STAT4: variants seen among roughly 807,000 people sequenced by gnomAD.
STAT4 encodes the protein signal transducer and activator of transcription 4.
A neutral mutation model predicts 110.5 loss-of-function variants in STAT4; 42 were observed. The ratio of observed to expected loss-of-function variants is 0.38; its 90% confidence interval spans 0.30 to 0.49. STAT4 has a LOEUF of 0.49. Among genes scored for constraint, STAT4 ranks in the 20% least tolerant of loss-of-function variants. The pLI is 0.95. For missense variants in STAT4, 632 were observed against 887.9 expected, an observed-to-expected ratio of 0.71 and a Z score of 3.66; for synonymous variants, 284 against 302.2, an observed-to-expected ratio of 0.94 and a Z score of 0.63.
Position 191,062,823 on chromosome 2 carries a change from G to A in STAT4, c.880C>T (p.Pro294Ser). ...TCTAGCATGTGAGTTCTTTGCATTG[G>A]AATGGGATCACCTTCATATGTCATT... Reference protein sequence around the residue: ...TKMTYEGDPIPMQRTHMLERV... With the variant: ...TKMTYEGDPISMQRTHMLERV... Residue 294 changes from proline (P) to serine (S), a missense_variant, in exon 9 of 24, where the codon CCA becomes TCA. Coordinates refer to ENST00000392320, the MANE Select transcript of STAT4 (RefSeq NM_003151.4). The surrounding 1 kb of genome is among the most constrained non-coding windows in gnomAD (Gnocchi z 4.9). 1 of 1,613,916 alleles carries A rather than the reference G, an allele frequency of 6.2e-7. No homozygotes were observed. Among genetic ancestry groups the A allele is most frequent in the Non-Finnish European group, 8.5e-7 (1 of 1,179,900 alleles).
intron 4 of STAT4, among the ~76,000 whole-genome samples, chr2:191,074,818 G>T (rs551536274): frequency 3.5e-4 from 53 of 152,182 alleles, no homozygotes; most frequent in African/African-American, 1.3e-3. Flanking sequence ...TCCCAAAACA[G>T]CCATAACCTG....
chr2:191,093,350 G>T (rs1218690426), intron 3 of STAT4, among the ~76,000 whole-genome samples: 1 of 152,196 alleles, frequency 6.6e-6, no homozygotes, highest in African/African-American at 2.4e-5. Context: ...AGCTTCCAGA[G>T]GAAGGATCAG....
At position 191,113,814 on chromosome 2, in the gene STAT4, C is replaced by A. The variant is rs1458351170; in HGVS notation, c.273+32799G>T. ...ACACTTTTTGTACAGGGAGTACTCCCAAGAGTAGCAGAGAACATTACAGAA... is the reference window on the plus strand; with the variant it reads ...ACACTTTTTGTACAGGGAGTACTCCAAAGAGTAGCAGAGAACATTACAGAA... On this transcript the variant is annotated intron_variant, in intron 3 of 23. Transcript: ENST00000392320. This position sits in a 1 kb window ranked among gnomAD's most constrained non-coding sequence, Gnocchi z 4.8. Among the ~76,000 whole-genome samples the A allele has an allele frequency of 1.3e-5, 2 of 151,996 alleles. No homozygotes were observed. Among genetic ancestry groups the A allele is most frequent in the East Asian group, 3.8e-4 (2 of 5,198 alleles).
chr2:191,073,371 A>C (rs1055826621), intron 4 of STAT4, among the ~76,000 whole-genome samples, 181 bp from the exon 5 acceptor site: 3 of 152,256 alleles, frequency 2.0e-5, no homozygotes, highest in South Asian at 4.1e-4. Flanking sequence ...TTAAAATTTG[A>C]AGACTAGAGC....
intron 18 of STAT4, 23 bp from the exon 19 acceptor site, chr2:191,034,028 T>G (rs762985076): frequency 5.5e-6 from 8 of 1,450,512 alleles, no homozygotes; most frequent in Admixed American, 2.0e-5. Flanking sequence ...ACAAGCACAT[T>G]AAGACAATGA....
chr2:191,072,401 C>T (rs1211432135), intron 5 of STAT4, among the ~76,000 whole-genome samples: 3 of 152,136 alleles, frequency 2.0e-5, no homozygotes, highest in Non-Finnish European at 4.4e-5. Context: ...ACAGTGTAAG[C>T]CCAGACTTTT....
intron 8 of STAT4, among the ~76,000 whole-genome samples, chr2:191,063,514 C>T (rs890428990): frequency 2.6e-5 from 4 of 152,186 alleles, no homozygotes; most frequent in Non-Finnish European, 5.9e-5. Flanking sequence ...ACCTCAGAAA[C>T]GGAGGTGGCA....
At chr2:191,072,741 A>G (rs758826538) in intron 5 of STAT4, among the ~76,000 whole-genome samples, 1 of 152,204 alleles carries the variant, frequency 6.6e-6, no homozygotes, top group African/African-American at 2.4e-5. Context: ...GAGAGATGTG[A>G]TGTTACTACG....
chr2:191,117,803 C>T lies in STAT4; in HGVS notation c.273+28810G>A, dbSNP rs770143537. On this transcript the variant is annotated intron_variant, in intron 3 of 23. Transcript: ENST00000392320. The surrounding 1 kb of genome is among the most constrained non-coding windows in gnomAD (Gnocchi z 5.2). Reference sequence around the variant, plus strand: ...GTGAACTCCCTGAATCCTACCTCTCCGAGCCACATTCCCAAATTCCACCTT... The same window carrying T: ...GTGAACTCCCTGAATCCTACCTCTCTGAGCCACATTCCCAAATTCCACCTT... Among the ~76,000 whole-genome samples, 16 of 152,176 alleles carry T rather than the reference C, an allele frequency of 1.1e-4. No homozygotes were observed. Among genetic ancestry groups the T allele is most frequent in the East Asian group, 1.9e-4 (1 of 5,196 alleles).
intron 3 of STAT4, among the ~76,000 whole-genome samples, chr2:191,129,633 C>T (rs1698977766): frequency 6.6e-6 from 1 of 152,164 alleles, no homozygotes; most frequent in Non-Finnish European, 1.5e-5. Flanking sequence ...AACACATCTC[C>T]TTACTTCTTT....
In STAT4 at chr2:191,064,884, C is replaced by T; in HGVS notation, c.705G>A (p.Leu235=). Residue 235 remains leucine, a synonymous_variant, in exon 8 of 24, where the codon CTG becomes CTA. Coordinates refer to ENST00000392320, the MANE Select transcript of STAT4 (RefSeq NM_003151.4). ...LLMNTMLIEE[L]QDWKRRQQIA... is the part of the protein sequence containing the mutation. The stretch of plus-strand genomic sequence containing the variant: ...TTTGCTGCCGCCGCTTCCAGTCTTG[C>T]AGCTCTTCTATGAGCATGGTGTTCA... The T allele has an allele frequency of 6.2e-7, 1 of 1,613,418 alleles. No homozygotes were observed. Among genetic ancestry groups the T allele is most frequent in the South Asian group, 1.1e-5 (1 of 90,994 alleles).
chr2:191,062,860 C>A lies in STAT4; in HGVS notation c.843G>T (p.Glu281Asp). The A allele has an allele frequency of 6.2e-7, 1 of 1,613,898 alleles. No homozygotes were observed. Among genetic ancestry groups the A allele is most frequent in the Non-Finnish European group, 8.5e-7 (1 of 1,179,888 alleles). ...QLRRQLEKLEEQSTKMTYEGD... is the reference protein window; with the variant it reads ...QLRRQLEKLEDQSTKMTYEGD... ...CTTCATATGTCATTTTGGTAGATTG[C>A]TCCTCTAGTTTCTCCAATTGCCTTC... The change falls in exon 9 of 24, where the codon GAG (glutamate) becomes GAT (aspartate). Residue 281 changes from glutamate (E) to aspartate (D), a missense_variant. This residue lies in a region of STAT4 where 488 missense variants were observed against 632.8 expected (regional missense o/e 0.77). Transcript: ENST00000392320. This position sits in a 1 kb window ranked among gnomAD's most constrained non-coding sequence, Gnocchi z 4.9.
rs1695954638 is a variant in STAT4, at chr2:191,033,349, G to T, written c.1852+141C>A. On this transcript the variant is annotated intron_variant, in intron 20 of 23. Coordinates refer to ENST00000392320, the MANE Select transcript of STAT4 (RefSeq NM_003151.4). This position sits in a 1 kb window ranked among gnomAD's most constrained non-coding sequence, Gnocchi z 6.9. ...GGAATTCATAGGTACCCTGTTCTGA[G>T]ACAACTGCAACTACTAATATTCAAG... The T allele has an allele frequency of 1.7e-6, 2 of 1,181,260 alleles. No individual in the cohort carries two copies. Among genetic ancestry groups the T allele is most frequent in the South Asian group, 3.2e-5 (2 of 61,850 alleles). 73.2% of individuals were successfully genotyped at this position (1,181,260 alleles called of 1,614,324 possible). A position where few individuals can be genotyped will look rare whatever the true frequency, so the allele number is the denominator to read the frequency against.
rs773188982 is a variant in STAT4 at position 191,073,189 on chromosome 2, C to T, written c.374G>A (p.Gly125Glu). 3 of 1,613,380 alleles carry T rather than the reference C, an allele frequency of 1.9e-6. No individual in the cohort carries two copies. The highest frequency in any genetic ancestry group is 1.1e-5 in the South Asian group (1 of 91,044). ...ILAAANMPVQ[G>E]PLEKSLQSSS... ...ACTTTGTAAGGATTTCTCTAGAGGCCCCTGGAAAAAGAATGTCTTGAAATC... is the reference window on the plus strand; with the variant it reads ...ACTTTGTAAGGATTTCTCTAGAGGCTCCTGGAAAAAGAATGTCTTGAAATC... The change falls in exon 5 of 24, where the codon GGG becomes GAG. Residue 125 changes from glycine (G) to glutamate (E), a missense_variant and splice_region_variant. Around this residue, in one of 4 missense-constraint regions of STAT4, gnomAD observed 488 missense variants for 632.8 expected, o/e 0.77. Transcript: ENST00000392320.
At chr2:191,036,392 C>T in intron 16 of STAT4, 93 bp from the exon 17 acceptor site, 1 of 1,280,342 alleles carries the variant, frequency 7.8e-7, no homozygotes, top group Admixed American at 2.0e-5. Context: ...CCCCTCTCCC[C>T]ACACACATAC....
chr2:191,124,126 C>A (rs1392159918), intron 3 of STAT4, among the ~76,000 whole-genome samples: 2 of 152,090 alleles, frequency 1.3e-5, no homozygotes, highest in Admixed American at 6.5e-5. Flanking sequence ...AGGCAATATT[C>A]ATATTTTCAA....
chr2:191,073,165 C>T lies in STAT4; in HGVS notation c.398G>A (p.Ser133Asn). The T allele has an allele frequency of 6.2e-7, 1 of 1,613,870 alleles. No homozygotes were observed. Reference sequence around the variant, plus strand: ...CCTCTGTCTTTCTGAAACTGAAGAACTTTGTAAGGATTTCTCTAGAGGCCC... The same window carrying T: ...CCTCTGTCTTTCTGAAACTGAAGAATTTTGTAAGGATTTCTCTAGAGGCCC... ...VQGPLEKSLQ[S>N]SSVSERQRNV... Residue 133 changes from serine (S) to asparagine (N), a missense_variant, in exon 5 of 24, where the codon AGT becomes AAT. Coordinates refer to ENST00000392320, the MANE Select transcript of STAT4 (RefSeq NM_003151.4).
At chr2:191,094,164 T>C (rs1438178004) in intron 3 of STAT4, among the ~76,000 whole-genome samples, 1 of 152,186 alleles carries the variant, frequency 6.6e-6, no homozygotes, top group Non-Finnish European at 1.5e-5. Flanking sequence ...GAAAACACTC[T>C]TCAGGATATT....
Position 191,142,868 on chromosome 2 carries a change from T to C in STAT4, c.273+3745A>G, listed in dbSNP as rs1224306400. Among the ~76,000 whole-genome samples the C allele has an allele frequency of 6.6e-6, 1 of 152,126 alleles. No homozygotes were observed. The highest frequency in any genetic ancestry group is 1.5e-5 in the Non-Finnish European group (1 of 68,034). On this transcript the variant is annotated intron_variant, in intron 3 of 23. Coordinates refer to ENST00000392320, the MANE Select transcript of STAT4 (RefSeq NM_003151.4). The surrounding 1 kb of genome is among the most constrained non-coding windows in gnomAD (Gnocchi z 4.1). ...GAGGACAGGAGATTTTCAGGGGCCA[T>C]GAAACTCTCTAGTATGATATTGTAA...
Sources: gnomAD v4.1 joint callset for allele counts (sites outside exome capture counted in the v4.1 genomes callset) on GRCh38, gnomAD v4.1.1 for gene constraint, gnomAD v4.1.1 regional missense constraint, Gnocchi (gnomAD v3.1) non-coding constraint, MANE v1.5 for transcripts, NCBI Gene and HGNC (gene_info 2026-07-23, HGNC 2026-07-21) for gene names.